RGS7: variants seen among roughly 807,000 people sequenced by gnomAD.
RGS7 encodes regulator of G protein signaling 7.
RGS7 carries 27 observed loss-of-function variants against 81.1 expected under a neutral mutation model. The ratio of observed to expected loss-of-function variants is 0.33; its 90% confidence interval spans 0.25 to 0.46. The LOEUF (loss-of-function observed/expected upper bound fraction) is 0.46, where lower values mean the gene tolerates loss of function less well. RGS7 is among the 20% of genes least tolerant of loss of function. The pLI is 1.00. For synonymous variants in RGS7, 208 were observed against 207.7 expected (o/e 1.00, Z -0.01); for missense variants, 396 against 607.4 (o/e 0.65, Z 3.66).
intron 2 of RGS7, among the ~76,000 whole-genome samples, chr1:241,166,580 C>T (rs908246387): frequency 1.3e-5 from 2 of 152,086 alleles, no homozygotes; most frequent in African/African-American, 2.4e-5. Flanking sequence ...GTGCCTTTAG[C>T]GATAATTATT....
rs373348448 is a variant in RGS7 at position 241,190,057 on chromosome 1, G to C, written c.79-91295C>G. ...GGCGGAGCTTGCAGTGAGCCGAGAT[G>C]GCGCCACTGCACTCCAGCCTGGGCG... On this transcript the variant is annotated intron_variant, in intron 2 of 18. Coordinates refer to ENST00000440928, the MANE Select transcript of RGS7 (RefSeq NM_001364886.1). 1.2e-3 allele frequency among the ~76,000 whole-genome samples: 183 copies of C among 152,014 alleles called. No homozygotes were observed. The Middle Eastern group carries it at 0.024, about 20-fold the overall frequency.
At chr1:241,167,269 T>G (rs2070336360) in intron 2 of RGS7, among the ~76,000 whole-genome samples, 1 of 152,146 alleles carries the variant, frequency 6.6e-6, no homozygotes, top group Non-Finnish European at 1.5e-5. Context: ...AAATACGTGT[T>G]TGGCCGGGGG....
At chr1:240,811,379 G>A (rs1309153710) in intron 14 of RGS7, among the ~76,000 whole-genome samples, 3 of 152,112 alleles carry the variant, frequency 2.0e-5, no homozygotes, top group Non-Finnish European at 4.4e-5. Flanking sequence ...GGGCAGAATG[G>A]GTGTCACTCT....
chr1:241,347,220 G>C (rs2082952706), intron 2 of RGS7, among the ~76,000 whole-genome samples: 1 of 152,102 alleles, frequency 6.6e-6, no homozygotes, highest in Admixed American at 6.5e-5. Flanking sequence ...ACAGCCTTGG[G>C]GACACACAGC....
chr1:241,149,136 C>T (rs1193623841), intron 2 of RGS7, among the ~76,000 whole-genome samples: 1 of 152,082 alleles, frequency 6.6e-6, no homozygotes, highest in Non-Finnish European at 1.5e-5. Context: ...GAAAATACAG[C>T]CAATGAACTC....
At chr1:240,930,208 AT>A in intron 6 of RGS7, among the ~76,000 whole-genome samples, 1 of 130,322 alleles carries the variant, frequency 7.7e-6, no homozygotes, top group East Asian at 2.4e-4. Flanking sequence ...TTAGCATTGA[AT>A]TTTCTTTTTT....
At chr1:241,039,253 C>T (rs1229680007) in intron 3 of RGS7, among the ~76,000 whole-genome samples, 1 of 152,190 alleles carries the variant, frequency 6.6e-6, no homozygotes, top group Non-Finnish European at 1.5e-5. Context: ...TATTAGTGTG[C>T]TTAACCTTTC....
At chr1:241,034,372 T>C (rs2060229084) in intron 3 of RGS7, among the ~76,000 whole-genome samples, 1 of 152,226 alleles carries the variant, frequency 6.6e-6, no homozygotes, top group South Asian at 2.1e-4. Context: ...GTTATGTTAC[T>C]GTTGCCGGAG....
chr1:241,279,712 T>C (rs2078400395), intron 2 of RGS7, among the ~76,000 whole-genome samples: 1 of 152,240 alleles, frequency 6.6e-6, no homozygotes, highest in Non-Finnish European at 1.5e-5. Context: ...CTCACCTTCC[T>C]CTACTTCATC....
At position 240,801,464 on chromosome 1, in the gene RGS7, T is replaced by C; in HGVS notation, c.1404A>G (p.Ala468=). The change falls in exon 17 of 19, where the codon GCA becomes GCG. Residue 468 remains alanine (A), a synonymous_variant. Transcript: ENST00000440928. ...MDRRTSFEKF[A]QNVGRNIPIF... ...AAAAAATTAAACTTACCACATTCTG[T>C]GCAAATTTTTCAAAAGATGTTCTGC... 1 of 1,603,948 alleles carries C rather than the reference T, an allele frequency of 6.2e-7. No individual in the cohort carries two copies. The highest frequency in any genetic ancestry group is 8.5e-7 in the Non-Finnish European group (1 of 1,171,544).
intron 10 of RGS7, 106 bp downstream of exon 10, chr1:240,826,992 A>G: frequency 1.1e-6 from 1 of 918,044 alleles, no homozygotes; most frequent in South Asian, 1.3e-5. Flanking sequence ...GGCTGGGAAG[A>G]GTGGGAAAGA....
intron 3 of RGS7, among the ~76,000 whole-genome samples, chr1:241,026,131 A>G (rs2059769205): frequency 6.6e-6 from 1 of 152,246 alleles, no homozygotes; most frequent in South Asian, 2.1e-4. Flanking sequence ...GCACTGGAAT[A>G]CAAGCTCTGC....
chr1:240,903,459 C>T (rs1375300835), intron 6 of RGS7, among the ~76,000 whole-genome samples: 1 of 151,856 alleles, frequency 6.6e-6, no homozygotes, highest in Non-Finnish European at 1.5e-5. Flanking sequence ...AGGGTTATTG[C>T]CTATTCATTA....
At chr1:241,013,132 G>A (rs576860285) in intron 3 of RGS7, among the ~76,000 whole-genome samples, 85 of 137,812 alleles carry the variant, frequency 6.2e-4, no homozygotes, top group African/African-American at 2.0e-3. Flanking sequence ...GTGTGATCTC[G>A]GCTCACCGCA....
At chr1:240,933,538 G>C (rs1483007613) in intron 5 of RGS7, among the ~76,000 whole-genome samples, 2 of 151,428 alleles carry the variant, frequency 1.3e-5, no homozygotes, top group Non-Finnish European at 3.0e-5. Context: ...GTAGTGTTTT[G>C]ATCTGTAGTA....
At chr1:241,097,368 A>C (rs1227387028) in intron 3 of RGS7, among the ~76,000 whole-genome samples, 2 of 152,040 alleles carry the variant, frequency 1.3e-5, no homozygotes, top group Non-Finnish European at 2.9e-5. Context: ...GTTAGAGCAA[A>C]ATGTCATTCC....
chr1:240,882,486 T>TG (rs1233625216), intron 6 of RGS7, among the ~76,000 whole-genome samples: 3 of 152,158 alleles, frequency 2.0e-5, no homozygotes, highest in Non-Finnish European at 2.9e-5. Context: ...TTTATTTAAT[T>TG]GATGGTAATG....
Position 241,245,492 on chromosome 1 carries a change from T to TAA in RGS7, c.78+110205_78+110206dup, listed in dbSNP as rs577538701. On this transcript the variant is annotated intron_variant, in intron 2 of 18. Coordinates refer to ENST00000440928, the MANE Select transcript of RGS7 (RefSeq NM_001364886.1). ...ATGCCAATTAAACCTCTTTTCCTTATAAAAAAAAAAAAAAAGAAAACGTGT... is the reference window on the plus strand; with the variant it reads ...ATGCCAATTAAACCTCTTTTCCTTATAAAAAAAAAAAAAAAAAGAAAACGTGT... 5.0e-3 allele frequency among the ~76,000 whole-genome samples: 638 copies of TAA among 128,760 alleles called. 8 individuals carry two copies. Among genetic ancestry groups the TAA allele is most frequent in the African/African-American group, 0.016 (582 of 35,344 alleles). The allele number at this position is 128,760 out of a possible 152,430, so 84.5% of individuals were successfully genotyped here. A position where few individuals can be genotyped will look rare whatever the true frequency, so the allele number is the denominator to read the frequency against.
chr1:241,274,557 T>C (rs2078090869), intron 2 of RGS7, among the ~76,000 whole-genome samples: 1 of 152,208 alleles, frequency 6.6e-6, no homozygotes, highest in South Asian at 2.1e-4. Flanking sequence ...AATAATATAA[T>C]CTATGCAGAT....
Sources: allele counts gnomAD v4.1 joint callset (sites outside exome capture counted in the v4.1 genomes callset), GRCh38; gene constraint gnomAD v4.1.1; transcripts MANE v1.5; gene names NCBI Gene and HGNC (gene_info 2026-07-23, HGNC 2026-07-21).